Variants in CFAP43 observed in about 807,000 individuals in gnomAD.
CFAP43 encodes cilia- and flagella-associated protein 43.
In CFAP43, 155 loss-of-function variants were observed where a neutral mutation model predicts 218.9. That is an observed-to-expected ratio of 0.71 (90% CI 0.62 to 0.81). The LOEUF is 0.81. CFAP43 is among the 30% of genes least tolerant of loss of function. The probability of loss-of-function intolerance (pLI) is 0.00; values close to 1 mark genes in which losing one functional copy is unlikely to be tolerated. For synonymous variants in CFAP43, 645 were observed against 681.3 expected (o/e 0.95, Z 0.83); for missense variants, 1,778 against 1,954.3 (o/e 0.91, Z 1.70).
Position 104,166,648 on chromosome 10 carries a change from T to C in CFAP43, c.2879A>G (p.Glu960Gly). The C allele has an allele frequency of 6.2e-7, 1 of 1,614,148 alleles. No individual in the cohort carries two copies. The highest frequency in any genetic ancestry group is 8.5e-7 in the Non-Finnish European group (1 of 1,180,016). Reference sequence around the variant, plus strand: ...TGTCTTGTCTTCCTCTTCCTCTTCTTCATCATCCTCTTCATGACGCTGTTT... The same window carrying C: ...TGTCTTGTCTTCCTCTTCCTCTTCTCCATCATCCTCTTCATGACGCTGTTT... ...LIKQRHEEDDEEEEEEDKTVK... is the reference protein window; with the variant it reads ...LIKQRHEEDDGEEEEEDKTVK... The change falls in exon 23 of 38, where the codon GAA becomes GGA. Residue 960 changes from glutamate to glycine, a missense_variant. Physicochemically the swap from Glu to Gly is moderately conservative, Grantham distance 98 (BLOSUM62 -2). Transcript: ENST00000357060.
At chr10:104,133,534 AGAG>A in intron 35 of CFAP43, 83 bp downstream of exon 35, 1 of 1,380,432 alleles carries the variant, frequency 7.2e-7, no homozygotes, top group Non-Finnish European at 9.7e-7. Flanking sequence ...TTGATATCAC[AGAG>A]GCTTCTTATT....
intron 27 of CFAP43, among the ~76,000 whole-genome samples, chr10:104,158,986 G>A (rs561448242): frequency 1.3e-5 from 2 of 152,106 alleles, no homozygotes; most frequent in Admixed American, 6.5e-5. Context: ...TAACATTTAT[G>A]TACATTTGAA....
At position 104,147,962 on chromosome 10, in the gene CFAP43, A is replaced by G. The variant is rs141410191; in HGVS notation, c.3697T>C (p.Leu1233=). The change falls in exon 29 of 38, where the codon TTG becomes CTG. Residue 1233 remains leucine (L), a synonymous_variant. Transcript: ENST00000357060. ...LKISNLAFSL[L]LDEELSSREK... Reference sequence around the variant, plus strand: ...CTAGAGCTTAATTCTTCATCCAACAATAAAGAAAATGCAAGGTTACTTATT... The same window carrying G: ...CTAGAGCTTAATTCTTCATCCAACAGTAAAGAAAATGCAAGGTTACTTATT... 6.7e-5 allele frequency: 107 copies of G among 1,597,286 alleles called. No individual in the cohort carries two copies. Among genetic ancestry groups the G allele is most frequent in the African/African-American group, 6.0e-4 (45 of 74,436 alleles).
chr10:104,220,212 G>A (rs901233801), intron 3 of CFAP43, among the ~76,000 whole-genome samples: 4 of 152,144 alleles, frequency 2.6e-5, no homozygotes, highest in Non-Finnish European at 4.4e-5. Flanking sequence ...TGAGAGGCGC[G>A]GGGGCAGATT....
At chr10:104,168,033 G>A (rs1209838511) in intron 21 of CFAP43, among the ~76,000 whole-genome samples, 2 of 151,924 alleles carry the variant, frequency 1.3e-5, no homozygotes, top group African/African-American at 4.8e-5. Context: ...AAGACATTTG[G>A]CAACTTTTTT....
At chr10:104,138,249 G>A (rs181983613) in intron 34 of CFAP43, among the ~76,000 whole-genome samples, 1 of 152,248 alleles carries the variant, frequency 6.6e-6, no homozygotes, top group Non-Finnish European at 1.5e-5. Context: ...TACTCCAGGC[G>A]AATAGTGATA....
chr10:104,192,531 A>T (rs1026106262), intron 11 of CFAP43: 3 of 456,334 alleles, frequency 6.6e-6, no homozygotes, highest in Non-Finnish European at 1.2e-5. Flanking sequence ...ACAGTCAAGA[A>T]GATTCAGTAA....
intron 3 of CFAP43, among the ~76,000 whole-genome samples, chr10:104,217,465 G>C (rs1287290875): frequency 1.1e-4 from 17 of 151,710 alleles, no homozygotes; most frequent in Non-Finnish European, 8.8e-5. Flanking sequence ...TTGTGTCCAG[G>C]ATCAGAGCCA....
At chr10:104,170,918 T>G (rs2089381877) in intron 20 of CFAP43, among the ~76,000 whole-genome samples, 1 of 152,194 alleles carries the variant, frequency 6.6e-6, no homozygotes, top group Non-Finnish European at 1.5e-5. Flanking sequence ...CTTCAGCCTT[T>G]CTGGTGTGCT....
intron 10 of CFAP43, 29 bp from the exon 11 acceptor site, chr10:104,194,043 C>G: frequency 6.2e-7 from 1 of 1,608,348 alleles, no homozygotes; most frequent in Non-Finnish European, 8.5e-7. Flanking sequence ...AGATGCGTAT[C>G]TCTATTGTGC....
In CFAP43 at chr10:104,131,360, G is replaced by C. The variant is rs755277995; in HGVS notation, c.4802C>G (p.Ser1601Ter). 1.9e-6 allele frequency: 3 copies of C among 1,612,898 alleles called. No homozygotes were observed. Among genetic ancestry groups the C allele is most frequent in the South Asian group, 1.1e-5 (1 of 90,660 alleles). ...CNLREELVAVSERKDICNAMG... is the reference protein window; with the variant it reads ...CNLREELVAV ...TGCATTACAGATGTCTTTTCTCTCTGAGACAGCTACCAACTCTTCTCGTAG... is the reference window on the plus strand; with the variant it reads ...TGCATTACAGATGTCTTTTCTCTCTCAGACAGCTACCAACTCTTCTCGTAG... The change falls in exon 37 of 38, where the codon TCA (serine) becomes TGA (stop). Residue 1601 changes from serine (S) to a stop codon, truncating the protein, a stop_gained. Coordinates refer to ENST00000357060, the MANE Select transcript of CFAP43 (RefSeq NM_025145.7). LOFTEE classifies it high-confidence loss of function.
Position 104,180,184 on chromosome 10 carries a change from T to C in CFAP43, c.2290-252A>G, listed in dbSNP as rs2134871134. On this transcript the variant is annotated intron_variant, in intron 17 of 37. Transcript: ENST00000357060. ...CAGACCAGTCACACTGTCACCACTC[T>C]TTGCCTTCTTTGTTACTGTGACCCA... 5.3e-5 allele frequency among the ~76,000 whole-genome samples: 8 copies of C among 152,364 alleles called. No homozygotes were observed. In the Middle Eastern group the frequency reaches 0.027, roughly 518 times the overall value.
At chr10:104,194,630 G>C (rs1471613796) in intron 10 of CFAP43, among the ~76,000 whole-genome samples, 1 of 152,134 alleles carries the variant, frequency 6.6e-6, no homozygotes, top group Non-Finnish European at 1.5e-5. Flanking sequence ...AGTCACCAAA[G>C]AAATGCGTAA....
At chr10:104,184,565 C>G (rs1044066101) in intron 16 of CFAP43, among the ~76,000 whole-genome samples, 3 of 151,606 alleles carry the variant, frequency 2.0e-5, no homozygotes, top group African/African-American at 7.3e-5. Context: ...CTCTGGAACA[C>G]GCTTTTCAAA....
In CFAP43 at chr10:104,162,023, G is replaced by A. The variant is rs760609580; in HGVS notation, c.3352C>T (p.Arg1118Ter). Residue 1118 changes from arginine to a stop codon, truncating the protein, a stop_gained, in exon 26 of 38, where the codon CGA (arginine) becomes TGA (stop). Coordinates refer to ENST00000357060, the MANE Select transcript of CFAP43 (RefSeq NM_025145.7). LOFTEE classifies it high-confidence loss of function. ...CCTCCCATCATGTCCATCAGAGCTC[G>A]GAGTCTTGTACTGGCATCCTGGGAA... The part of the protein sequence containing the change: ...LLIQDASTRL[R>*]ALMDMMGGVL... The A allele has an allele frequency of 1.8e-5, 29 of 1,613,358 alleles. 1 individual carries two copies. Among genetic ancestry groups the A allele is most frequent in the Admixed American group, 1.2e-4 (7 of 59,914 alleles).
intron 10 of CFAP43, 80 bp downstream of exon 10, chr10:104,196,773 C>G: frequency 8.4e-7 from 1 of 1,193,134 alleles, no homozygotes; most frequent in Non-Finnish European, 1.2e-6. Context: ...TTTCTACAGA[C>G]TATTGACATG....
intron 19 of CFAP43, among the ~76,000 whole-genome samples, chr10:104,175,744 CAT>C (rs1048812006): frequency 7.2e-5 from 11 of 152,218 alleles, no homozygotes; most frequent in African/African-American, 2.7e-4. Context: ...AGCCTGCAGA[CAT>C]GTGCCACCAC....
chr10:104,172,464 C>G lies in CFAP43; in HGVS notation c.2532G>C (p.Leu844=), dbSNP rs1310839178. ...GAAGCCTTTCTAGTTCCTCAAGATC[C>G]AGACCAAATTCCTGTTGGTCTAATT... ...IAKLDQQEFG[L]DLEELERLHD... The change falls in exon 20 of 38, where the codon CTG becomes CTC. Residue 844 remains leucine, a synonymous_variant. Coordinates refer to ENST00000357060, the MANE Select transcript of CFAP43 (RefSeq NM_025145.7). 1 of 1,608,586 alleles carries G rather than the reference C, an allele frequency of 6.2e-7. No homozygotes were observed. The highest frequency in any genetic ancestry group is 1.3e-5 in the African/African-American group (1 of 74,760).
At chr10:104,207,637 A>C in intron 6 of CFAP43, 28 bp downstream of exon 6, 1 of 1,595,316 alleles carries the variant, frequency 6.3e-7, no homozygotes, top group Non-Finnish European at 8.5e-7. Flanking sequence ...ATGGCTATAC[A>C]GGAATATGAA....
Sources: allele counts gnomAD v4.1 joint callset (sites outside exome capture counted in the v4.1 genomes callset), GRCh38; gene constraint gnomAD v4.1.1; transcripts MANE v1.5; gene names NCBI Gene and HGNC (gene_info 2026-07-23, HGNC 2026-07-21).